The following SEPTIN9 variants were observed in gnomAD, a reference collection of about 807,000 sequenced individuals.
SEPTIN9 encodes septin-9.
In SEPTIN9, 13 loss-of-function variants were observed where a neutral mutation model predicts 56.6. The observed-to-expected ratio is 0.23, with a 90% CI of 0.15 to 0.37. SEPTIN9 has a LOEUF of 0.37. Ranked by LOEUF, SEPTIN9 falls within the 10% of genes least tolerant of loss-of-function variation. The probability of loss-of-function intolerance (pLI) is 1.00; values close to 1 mark genes in which losing one functional copy is unlikely to be tolerated. For synonymous variants in SEPTIN9, 332 were observed against 334.1 expected (o/e 0.99, Z 0.07); for missense variants, 650 against 823.1 (o/e 0.79, Z 2.57).
chr17:77,414,480 T>G (rs1347370234), intron 3 of SEPTIN9, among the ~76,000 whole-genome samples: 1 of 152,110 alleles, frequency 6.6e-6, no homozygotes, highest in Admixed American at 6.5e-5. Context: ...TTTGAGAAAT[T>G]TAGAAAATTT....
Position 77,405,188 on chromosome 17 carries a change from C to T in SEPTIN9, c.721+2485C>T. 6.8e-7 allele frequency: 1 copy of T among 1,473,236 alleles called. No individual in the cohort carries two copies. Among genetic ancestry groups the T allele is most frequent in the Non-Finnish European group, 9.2e-7 (1 of 1,091,600 alleles). 91.3% of individuals were successfully genotyped at this position (1,473,236 alleles called of 1,614,324 possible). A position where few individuals can be genotyped will look rare whatever the true frequency, so the allele number is the denominator to read the frequency against. Reference sequence around the variant, plus strand: ...GTACAAGAACATTCTCCTCCAGGGGCAGACACAGTTTAGCCCCTAAATTGT... The same window carrying T: ...GTACAAGAACATTCTCCTCCAGGGGTAGACACAGTTTAGCCCCTAAATTGT... On this transcript the variant is annotated intron_variant, in intron 3 of 11. Transcript: ENST00000427177. The surrounding 1 kb of genome is among the most constrained non-coding windows in gnomAD (Gnocchi z 5.8).
intron 2 of SEPTIN9, among the ~76,000 whole-genome samples, chr17:77,372,129 G>C (rs2034739616): frequency 1.3e-5 from 2 of 152,202 alleles, no homozygotes; most frequent in South Asian, 4.1e-4. Flanking sequence ...TGCTGCTTCG[G>C]GGGTGGGGGT....
At chr17:77,349,779 G>T (rs2034000236) in intron 2 of SEPTIN9, among the ~76,000 whole-genome samples, 2 of 152,054 alleles carry the variant, frequency 1.3e-5, no homozygotes, top group South Asian at 4.1e-4. Flanking sequence ...CAAATATTTT[G>T]TCCAGAGCTA....
chr17:77,488,319 C>G lies in SEPTIN9; in HGVS notation c.1122C>G (p.Asn374Lys). 1 of 1,613,000 alleles carries G rather than the reference C, an allele frequency of 6.2e-7. No individual in the cohort carries two copies. Among genetic ancestry groups the G allele is most frequent in the Non-Finnish European group, 8.5e-7 (1 of 1,179,292 alleles). Residue 374 changes from asparagine to lysine, a missense_variant and splice_region_variant, in exon 6 of 12, where the codon AAC becomes AAG. Transcript: ENST00000427177. ...TCGGGGACCACATCAACAACGAGAACTGGTGAGGCCCCTCCAGGGGGAGGA... is the reference window on the plus strand; with the variant it reads ...TCGGGGACCACATCAACAACGAGAAGTGGTGAGGCCCCTCCAGGGGGAGGA... ...PGFGDHINNE[N>K]CWQPIMKFIN...
At chr17:77,373,239 G>C (rs1015720612) in intron 2 of SEPTIN9, 34 of 1,128,820 alleles carry the variant, frequency 3.0e-5, no homozygotes, top group Non-Finnish European at 3.7e-5. Context: ...GCGAGACAGG[G>C]AGGCCGGTGC....
chr17:77,367,232 G>A lies in SEPTIN9; in HGVS notation c.77-34827G>A, dbSNP rs574623023. On this transcript the variant is annotated intron_variant, in intron 2 of 11. Transcript: ENST00000427177. The surrounding 1 kb of genome is among the most constrained non-coding windows in gnomAD (Gnocchi z 4.5). ...TGATGTAAAGAGAGAAGGGGTTCCG[G>A]GGGCTTGGCCCAGGTGGAAACCATG... is the stretch of plus-strand genomic sequence containing the variant. Among the ~76,000 whole-genome samples, 1 of 152,300 alleles carries A rather than the reference G, an allele frequency of 6.6e-6. No individual in the cohort carries two copies. Among genetic ancestry groups the A allele is most frequent in the East Asian group, 1.9e-4 (1 of 5,174 alleles).
intron 3 of SEPTIN9, among the ~76,000 whole-genome samples, chr17:77,420,700 C>A (rs1169397047): frequency 6.6e-6 from 1 of 152,186 alleles, no homozygotes; most frequent in Non-Finnish European, 1.5e-5. Flanking sequence ...CTGCAGCAGC[C>A]AGCTGGCACG....
intron 3 of SEPTIN9, among the ~76,000 whole-genome samples, chr17:77,411,397 CTTT>C (rs55741267): frequency 1.5e-4 from 22 of 142,148 alleles, no homozygotes; most frequent in African/African-American, 2.3e-4. Context: ...TTTTCTTTTT[CTTT>C]TTTTTTTTTT....
At chr17:77,498,422 A>C in intron 11 of SEPTIN9, 101 bp from the exon 12 acceptor site, 1,162 of 627,638 alleles carry the variant, frequency 1.9e-3, no homozygotes, top group East Asian at 3.4e-3. Context: ...GGGTGGGGGC[A>C]GGCGGGCCTG....
At chr17:77,284,121 G>T (rs1040371729) in intron 1 of SEPTIN9, among the ~76,000 whole-genome samples, 1 of 152,126 alleles carries the variant, frequency 6.6e-6, no homozygotes, top group East Asian at 1.9e-4. Context: ...CACGAGGATC[G>T]CTTGAGCCCA....
chr17:77,327,401 G>A lies in SEPTIN9; in HGVS notation c.76+20204G>A, dbSNP rs189092176. 1.3e-5 allele frequency among the ~76,000 whole-genome samples: 2 copies of A among 152,236 alleles called. No homozygotes were observed. The highest frequency in any genetic ancestry group is 2.9e-5 in the Non-Finnish European group (2 of 68,024). ...GCCCCCGCCTGGCCCCATGCATCCCGCACGGTGCTCCCCAGGGTCTCCCAC... is the reference window on the plus strand; with the variant it reads ...GCCCCCGCCTGGCCCCATGCATCCCACACGGTGCTCCCCAGGGTCTCCCAC... On this transcript the variant is annotated intron_variant, in intron 2 of 11. Transcript: ENST00000427177. The surrounding 1 kb of genome is among the most constrained non-coding windows in gnomAD (Gnocchi z 5.0).
At chr17:77,458,706 G>A (rs1185079687) in intron 3 of SEPTIN9, among the ~76,000 whole-genome samples, 7 of 152,184 alleles carry the variant, frequency 4.6e-5, no homozygotes, top group Non-Finnish European at 8.8e-5. Flanking sequence ...TGGCAGCCAC[G>A]GGCTGAGTGG....
At position 77,330,717 on chromosome 17, in the gene SEPTIN9, C is replaced by T. The variant is rs559007599; in HGVS notation, c.76+23520C>T. Among the ~76,000 whole-genome samples the T allele has an allele frequency of 2.4e-4, 37 of 152,334 alleles. No individual in the cohort carries two copies. Among genetic ancestry groups the T allele is most frequent in the Admixed American group, 1.4e-3 (21 of 15,310 alleles). The stretch of plus-strand genomic sequence containing the variant: ...CAGAGAGCACATGGCTTGACCATCA[C>T]GGGGACTGGGGGAGAGGCACAGGCA... On this transcript the variant is annotated intron_variant, in intron 2 of 11. Transcript: ENST00000427177. This position sits in a 1 kb window ranked among gnomAD's most constrained non-coding sequence, Gnocchi z 4.4.
intron 2 of SEPTIN9, among the ~76,000 whole-genome samples, chr17:77,377,592 G>A (rs1206267783): frequency 1.3e-5 from 2 of 152,116 alleles, no homozygotes; most frequent in Non-Finnish European, 2.9e-5. Flanking sequence ...GTCGCCCGAG[G>A]AGGACCCCCA....
At chr17:77,341,358 A>T (rs1481467990) in intron 2 of SEPTIN9, among the ~76,000 whole-genome samples, 2 of 152,210 alleles carry the variant, frequency 1.3e-5, no homozygotes, top group Non-Finnish European at 2.9e-5. Context: ...GAGCAGAGGG[A>T]GAGAGAGCGG....
At chr17:77,370,294 C>A (rs889758240) in intron 2 of SEPTIN9, among the ~76,000 whole-genome samples, 2 of 152,210 alleles carry the variant, frequency 1.3e-5, no homozygotes, top group Non-Finnish European at 2.9e-5. Flanking sequence ...CTTCCAGCTT[C>A]TGGTGGCCCC....
At chr17:77,307,602 A>G (rs1386196954) in intron 2 of SEPTIN9, among the ~76,000 whole-genome samples, 2 of 152,182 alleles carry the variant, frequency 1.3e-5, no homozygotes, top group Non-Finnish European at 2.9e-5. Flanking sequence ...GCAACCTTGC[A>G]GGATGGAAGA....
rs2144309461 is a variant in SEPTIN9 at position 77,435,373 on chromosome 17, G to A, written c.721+32670G>A. Among the ~76,000 whole-genome samples, 1 of 152,290 alleles carries A rather than the reference G, an allele frequency of 6.6e-6. No homozygotes were observed. Among genetic ancestry groups the A allele is most frequent in the African/African-American group, 2.4e-5 (1 of 41,576 alleles). On this transcript the variant is annotated intron_variant, in intron 3 of 11. Coordinates refer to ENST00000427177, the MANE Select transcript of SEPTIN9 (RefSeq NM_001113491.2). The surrounding 1 kb of genome is among the most constrained non-coding windows in gnomAD (Gnocchi z 4.5). Reference sequence around the variant, plus strand: ...GCAGTGTCTCCCATGCCCTGATTCTGTGGCTTCTTGAGGTGGCTCACCCCT... The same window carrying A: ...GCAGTGTCTCCCATGCCCTGATTCTATGGCTTCTTGAGGTGGCTCACCCCT...
chr17:77,418,738 C>G (rs951648237), intron 3 of SEPTIN9, among the ~76,000 whole-genome samples: 4 of 152,336 alleles, frequency 2.6e-5, no homozygotes, highest in Non-Finnish European at 5.9e-5. Flanking sequence ...CTCTGCAAAG[C>G]CACCCTCCCC....
Sources: gnomAD v4.1 joint callset for allele counts (sites outside exome capture counted in the v4.1 genomes callset) on GRCh38, gnomAD v4.1.1 for gene constraint, Gnocchi (gnomAD v3.1) non-coding constraint, MANE v1.5 for transcripts, NCBI Gene and HGNC (gene_info 2026-07-23, HGNC 2026-07-21) for gene names.